BAZ1A: variants seen among roughly 807,000 people sequenced by gnomAD.
BAZ1A encodes the protein bromodomain adjacent to zinc finger domain 1A, also known as bromodomain adjacent to zinc finger domain protein 1A.
Under a neutral mutation model 185.2 loss-of-function variants are expected in BAZ1A, and 50 were observed. The observed-to-expected ratio is 0.27, with a 90% CI of 0.22 to 0.34. The LOEUF (loss-of-function observed/expected upper bound fraction) is 0.34. Among genes scored for constraint, BAZ1A ranks in the 10% least tolerant of loss-of-function variants. The probability of loss-of-function intolerance (pLI) is 1.00; values close to 1 mark genes in which losing one functional copy is unlikely to be tolerated. For synonymous variants in BAZ1A, 571 were observed against 615.6 expected (o/e 0.93, Z 1.07); for missense variants, 1,356 against 1,839.9 (o/e 0.74, Z 4.81).
At chr14:34,857,085 C>T (rs1049844242) in intron 3 of BAZ1A, among the ~76,000 whole-genome samples, 1 of 150,476 alleles carries the variant, frequency 6.6e-6, no homozygotes, top group African/African-American at 2.4e-5. Context: ...CGGCTCACTG[C>T]AAGCTCCGCC....
rs1450709321 is a variant in BAZ1A, at chr14:34,764,903, C to G, written c.3580G>C (p.Glu1194Gln). 1 of 1,614,008 alleles carries G rather than the reference C, an allele frequency of 6.2e-7. No individual in the cohort carries two copies. Among genetic ancestry groups the G allele is most frequent in the Admixed American group, 1.7e-5 (1 of 59,984 alleles). ...TVPEGDWFCP[E>Q]CRPKQRSRRL... ...CTAGAACGTTGCTTTGGTCGACATT[C>G]TGGACAAAACCAGTCTCCTTCAGGC... Residue 1194 changes from glutamate to glutamine, a missense_variant, in exon 23 of 27, where the codon GAA (glutamate) becomes CAA (glutamine). Glu to Gln is a conservative substitution (Grantham distance 29). This residue lies in a region of BAZ1A where 309 missense variants were observed against 355.3 expected (regional missense o/e 0.87). Coordinates refer to ENST00000360310, the MANE Select transcript of BAZ1A (RefSeq NM_013448.3).
chr14:34,825,447 C>CAAAAAAAAAAAAAAAAA (rs35449855), intron 4 of BAZ1A, among the ~76,000 whole-genome samples: 3 of 55,428 alleles, frequency 5.4e-5, no homozygotes, highest in Non-Finnish European at 1.0e-4. Flanking sequence ...AACTCTGTCT[C>CAAAAAAAAAAAAAAAAA]AAAAAAAAAA....
chr14:34,820,712 A>C (rs2042077102), intron 4 of BAZ1A, among the ~76,000 whole-genome samples: 1 of 151,982 alleles, frequency 6.6e-6, no homozygotes, highest in Non-Finnish European at 1.5e-5. Flanking sequence ...TAGGTCTACA[A>C]ACCATTTTGA....
In BAZ1A at chr14:34,783,904, C is replaced by T. The variant is rs1398169967; in HGVS notation, c.1855G>A (p.Ala619Thr). 3 of 1,595,366 alleles carry T rather than the reference C, an allele frequency of 1.9e-6. No homozygotes were observed. In the East Asian group the frequency reaches 6.7e-5, roughly 36 times the overall value. ...AGGGTCAGTAGCTTTCCACAGAGAGCATGGAGTATCTTCATTTTTTCTCCT... is the reference window on the plus strand; with the variant it reads ...AGGGTCAGTAGCTTTCCACAGAGAGTATGGAGTATCTTCATTTTTTCTCCT... ...TPGEKMKILH[A>T]LCGKLLTLVS... The change falls in exon 15 of 27, where the codon GCT (alanine) becomes ACT (threonine). Residue 619 changes from alanine (A) to threonine (T), a missense_variant. By Grantham distance (58) the Ala-to-Thr change is moderately conservative. This residue lies in a region of BAZ1A where 184 missense variants were observed against 355.1 expected (regional missense o/e 0.52). Transcript: ENST00000360310.
Position 34,857,192 on chromosome 14 carries a change from G to C in BAZ1A, c.392+4852C>G, listed in dbSNP as rs142374641. 2.5e-3 allele frequency among the ~76,000 whole-genome samples: 381 copies of C among 151,972 alleles called. 6 individuals carry two copies. The East Asian group carries it at 0.033, about 13-fold the overall frequency. On this transcript the variant is annotated intron_variant, in intron 3 of 26. Transcript: ENST00000360310. ...TGGCTAACTTTTTGTATTTTTAGTA[G>C]AGATGGGGTTTCACCGTGTTAGCCA...
intron 2 of BAZ1A, 148 bp from the exon 3 acceptor site, chr14:34,862,470 G>A: frequency 5.3e-6 from 4 of 751,870 alleles, no homozygotes; most frequent in Non-Finnish European, 8.1e-6. Flanking sequence ...TTTGGTAACT[G>A]GTCAACTTAT....
At chr14:34,816,515 G>A (rs1286129893) in intron 4 of BAZ1A, among the ~76,000 whole-genome samples, 1 of 152,156 alleles carries the variant, frequency 6.6e-6, no homozygotes, top group Non-Finnish European at 1.5e-5. Flanking sequence ...TTTCTATAAT[G>A]TACTTCAGCT....
intron 3 of BAZ1A, among the ~76,000 whole-genome samples, chr14:34,861,076 G>T (rs1047077988): frequency 1.3e-5 from 2 of 151,936 alleles, no homozygotes; most frequent in Non-Finnish European, 2.9e-5. Context: ...AACTTATAAT[G>T]ATTCTTCAAA....
At chr14:34,777,266 A>G (rs8015303) in intron 17 of BAZ1A, among the ~76,000 whole-genome samples, 8,993 of 152,350 alleles carry the variant, frequency 0.059, 469 homozygotes, top group Admixed American at 0.17. Flanking sequence ...GGTTCAATGT[A>G]ACTATTTATG....
rs560054854 is a variant in BAZ1A, at chr14:34,785,312, G to T, written c.1831+465C>A. Among the ~76,000 whole-genome samples, 8 of 152,140 alleles carry T rather than the reference G, an allele frequency of 5.3e-5. No individual in the cohort carries two copies. In the East Asian group the frequency reaches 1.5e-3, roughly 29 times the overall value. On this transcript the variant is annotated intron_variant, in intron 14 of 26. Coordinates refer to ENST00000360310, the MANE Select transcript of BAZ1A (RefSeq NM_013448.3). ...AAAGACTGCAAATGTTAGGAAGTAA[G>T]GTATTCTACTTTACTGTATGTTCTC...
rs112445201 is a variant in BAZ1A at position 34,807,668 on chromosome 14, C to T, written c.639-130G>A. On this transcript the variant is annotated intron_variant, in intron 5 of 26. Transcript: ENST00000360310. Reference sequence around the variant, plus strand: ...GGAATCAAAGGACACACTTCATCTTCTAACAGTATTTATGTAGAAGTTACA... The same window carrying T: ...GGAATCAAAGGACACACTTCATCTTTTAACAGTATTTATGTAGAAGTTACA... The T allele has an allele frequency of 2.7e-3, 1,494 of 562,026 alleles. 18 individuals are homozygous for T. Among genetic ancestry groups the T allele is most frequent in the African/African-American group, 0.024 (1,279 of 52,496 alleles). The allele number at this position is 562,026 out of a possible 1,614,324, so 34.8% of individuals were successfully genotyped here.
At chr14:34,867,433 G>A (rs1252850411) in intron 2 of BAZ1A, among the ~76,000 whole-genome samples, 1 of 150,764 alleles carries the variant, frequency 6.6e-6, no homozygotes, top group African/African-American at 2.4e-5. Context: ...AGTAGGTCAC[G>A]CATGGGATAT....
chr14:34,797,945 G>A (rs1185168900), intron 9 of BAZ1A, among the ~76,000 whole-genome samples: 2 of 152,234 alleles, frequency 1.3e-5, no homozygotes, highest in African/African-American at 4.8e-5. Flanking sequence ...GACTGCACCT[G>A]GAAAATCGGG....
chr14:34,774,225 TTCA>T (rs1594823645), intron 19 of BAZ1A, 99 bp downstream of exon 19: 12 of 896,036 alleles, frequency 1.3e-5, no homozygotes, highest in East Asian at 1.2e-4. Context: ...CTGGTGTTTA[TTCA>T]AAACACATAT....
At chr14:34,872,744 G>A (rs2042968553) in intron 2 of BAZ1A, among the ~76,000 whole-genome samples, 1 of 151,884 alleles carries the variant, frequency 6.6e-6, no homozygotes, top group Admixed American at 6.6e-5. Context: ...ATTCACAAAG[G>A]ATAACAGTCA....
At chr14:34,804,857 C>A (rs1462205460) in intron 6 of BAZ1A, among the ~76,000 whole-genome samples, 4 of 152,212 alleles carry the variant, frequency 2.6e-5, no homozygotes, top group Non-Finnish European at 4.4e-5. Flanking sequence ...TGTAGGTACT[C>A]CTAACAGCAG....
chr14:34,792,917 T>C lies in BAZ1A; in HGVS notation c.1368A>G (p.Val456=). 2 of 1,603,992 alleles carry C rather than the reference T, an allele frequency of 1.2e-6. No homozygotes were observed. Among genetic ancestry groups the C allele is most frequent in the Non-Finnish European group, 1.7e-6 (2 of 1,177,784 alleles). Residue 456 remains valine (V), a synonymous_variant, in exon 12 of 27, where the codon GTA becomes GTG. Coordinates refer to ENST00000360310, the MANE Select transcript of BAZ1A (RefSeq NM_013448.3). ...CATTTCCTACAAGAGCTTCCTCTAATACTTCTGTGAATAAAATGTTTAAAA... is the reference window on the plus strand; with the variant it reads ...CATTTCCTACAAGAGCTTCCTCTAACACTTCTGTGAATAAAATGTTTAAAA... ...DEFPDGVTLE[V]LEEALVGNDS...
chr14:34,764,710 A>T lies in BAZ1A; in HGVS notation c.3773T>A (p.Val1258Asp), dbSNP rs1215226434. 6.2e-7 allele frequency: 1 copy of T among 1,603,278 alleles called. No individual in the cohort carries two copies. Residue 1258 changes from valine to aspartate, a missense_variant, in exon 23 of 27, where the codon GTC (valine) becomes GAC (aspartate). Transcript: ENST00000360310. Reference sequence around the variant, plus strand: ...TTTATTGCATGTTAGGACTTACCTGACTTCTTCCTCTTCTTGAGAGTCATC... The same window carrying T: ...TTTATTGCATGTTAGGACTTACCTGTCTTCTTCCTCTTCTTGAGAGTCATC... ...DEDDSQEEEE[V>D]SLPKRGRPQV...
chr14:34,773,820 G>T, intron 19 of BAZ1A, 94 bp from the exon 20 acceptor site: 4 of 1,240,532 alleles, frequency 3.2e-6, no homozygotes, highest in Non-Finnish European at 4.5e-6. Context: ...TCAATTCATG[G>T]ATATTTTAGA....
Sources: allele counts gnomAD v4.1 joint callset (sites outside exome capture counted in the v4.1 genomes callset), GRCh38; gene constraint gnomAD v4.1.1; regional missense constraint gnomAD v4.1.1; transcripts MANE v1.5; gene names NCBI Gene and HGNC (gene_info 2026-07-23, HGNC 2026-07-21).